Variants in NRXN3 observed in about 807,000 individuals in gnomAD.
The protein encoded by NRXN3 is neurexin III.
A neutral mutation model predicts 137.6 loss-of-function variants in NRXN3; 32 were observed. That is an observed-to-expected ratio of 0.23 (90% CI 0.18 to 0.31). The LOEUF is 0.31. NRXN3 is among the 10% of genes least tolerant of loss of function. NRXN3 has a pLI of 1.00. For missense variants in NRXN3, 1,574 were observed against 2,062.5 expected (o/e 0.76, Z 4.59); for synonymous variants, 798 against 784.5 (o/e 1.02, Z -0.29).
At chr14:78,287,944 G>A (rs2075355010) in intron 3 of NRXN3, among the ~76,000 whole-genome samples, 2 of 151,962 alleles carry the variant, frequency 1.3e-5, no homozygotes, top group African/African-American at 2.4e-5. Context: ...GAGTATGATT[G>A]GGATCAGTTC....
chr14:78,867,102 A>T (rs907366988), intron 10 of NRXN3, among the ~76,000 whole-genome samples: 8 of 151,880 alleles, frequency 5.3e-5, no homozygotes, highest in Non-Finnish European at 8.8e-5. Flanking sequence ...TGGCAGTATT[A>T]CCCTTATATT....
At chr14:78,364,613 G>T (rs992472181) in intron 4 of NRXN3, among the ~76,000 whole-genome samples, 4 of 152,168 alleles carry the variant, frequency 2.6e-5, no homozygotes, top group Admixed American at 6.5e-5. Context: ...TGAAAGGAGG[G>T]CATGTTTGAT....
chr14:79,343,213 C>T (rs892510673), intron 15 of NRXN3, among the ~76,000 whole-genome samples: 1 of 152,150 alleles, frequency 6.6e-6, no homozygotes, highest in African/African-American at 2.4e-5. Flanking sequence ...CATAATTGCT[C>T]ATCTTGTGGC....
chr14:78,969,155 A>G (rs899802004), intron 14 of NRXN3, among the ~76,000 whole-genome samples: 2 of 152,222 alleles, frequency 1.3e-5, no homozygotes, highest in African/African-American at 4.8e-5. Flanking sequence ...TTTTATGTCA[A>G]ACATCTAATA....
At chr14:78,475,822 A>G (rs958400888) in intron 4 of NRXN3, among the ~76,000 whole-genome samples, 1 of 152,216 alleles carries the variant, frequency 6.6e-6, no homozygotes. Context: ...AGGAAGAAGA[A>G]TGATAGAACT....
intron 2 of NRXN3, among the ~76,000 whole-genome samples, chr14:78,266,998 G>A (rs2071861804): frequency 6.6e-6 from 1 of 152,118 alleles, no homozygotes; most frequent in Admixed American, 6.5e-5. Flanking sequence ...GCTGTCTTGA[G>A]CCACTATGTT....
rs5809943 is a variant in NRXN3 at position 79,563,663 on chromosome 14, T to TAAAAA, written c.3444+96273_3444+96277dup. On this transcript the variant is annotated intron_variant, in intron 16 of 20. Transcript: ENST00000335750. ...GGGATGAGCTTCCCACAAATAATGT[T>TAAAAA]AAAAAAAAAAAAAAAAGGAGAAAGC... Among the ~76,000 whole-genome samples, 1,033 of 142,200 alleles carry TAAAAA rather than the reference T, an allele frequency of 7.3e-3. 10 individuals carry two copies. The highest frequency in any genetic ancestry group is 0.033 in the Middle Eastern group (9 of 274). 93.3% of individuals were successfully genotyped at this position (142,200 alleles called of 152,430 possible).
chr14:78,349,458 C>T (rs2083185065), intron 4 of NRXN3, among the ~76,000 whole-genome samples: 1 of 152,194 alleles, frequency 6.6e-6, no homozygotes, highest in Non-Finnish European at 1.5e-5. Context: ...TTTGGGAGCC[C>T]TTTCTTCCTT....
At chr14:78,531,223 G>A (rs1397039951) in intron 4 of NRXN3, among the ~76,000 whole-genome samples, 1 of 152,158 alleles carries the variant, frequency 6.6e-6, no homozygotes, top group African/African-American at 2.4e-5. Context: ...CAAAATGTCA[G>A]AGTTAGCCTA....
chr14:79,858,310 A>G (rs2099407108), intron 20 of NRXN3, among the ~76,000 whole-genome samples: 1 of 152,146 alleles, frequency 6.6e-6, no homozygotes, highest in Non-Finnish European at 1.5e-5. Context: ...AAACAAACCG[A>G]AAAAACAAAA....
chr14:79,564,927 G>A (rs1380481623), intron 16 of NRXN3, among the ~76,000 whole-genome samples: 2 of 151,886 alleles, frequency 1.3e-5, no homozygotes, highest in Non-Finnish European at 2.9e-5. Context: ...GCTATCTCAC[G>A]ATTTCAAATG....
At chr14:79,807,656 A>T (rs1225768911) in intron 20 of NRXN3, among the ~76,000 whole-genome samples, 1 of 152,132 alleles carries the variant, frequency 6.6e-6, no homozygotes, top group Non-Finnish European at 1.5e-5. Flanking sequence ...TTTTTAGAAC[A>T]ATCTGTTGTG....
At chr14:79,352,408 C>A (rs148593550) in intron 15 of NRXN3, among the ~76,000 whole-genome samples, 64 of 152,192 alleles carry the variant, frequency 4.2e-4, no homozygotes, top group African/African-American at 1.5e-3. Flanking sequence ...CTTATAGAAT[C>A]TCGAACTTGA....
intron 10 of NRXN3, among the ~76,000 whole-genome samples, chr14:78,825,212 AAAAAAG>A (rs2098963147): frequency 2.0e-5 from 3 of 150,692 alleles, no homozygotes; most frequent in African/African-American, 7.3e-5. Flanking sequence ...AAAAAAAAAA[AAAAAAG>A]AAAAAGAAAA....
At chr14:78,668,963 T>TCTATCTAC (rs748834814) in intron 6 of NRXN3, among the ~76,000 whole-genome samples, 142 of 151,702 alleles carry the variant, frequency 9.4e-4, no homozygotes, top group Non-Finnish European at 1.4e-3. Flanking sequence ...TGTCTGTCTA[T>TCTATCTAC]CTATCTACCT....
intron 19 of NRXN3, among the ~76,000 whole-genome samples, chr14:79,801,395 A>C (rs1259640413): frequency 1.3e-5 from 2 of 152,250 alleles, no homozygotes; most frequent in Non-Finnish European, 2.9e-5. Context: ...GGTAAATCGT[A>C]ACAAATAGAG....
intron 17 of NRXN3, among the ~76,000 whole-genome samples, chr14:79,675,682 A>G (rs896978353): frequency 1.3e-5 from 2 of 152,132 alleles, no homozygotes; most frequent in Non-Finnish European, 2.9e-5. Context: ...AGAAATAAAG[A>G]GATACAATAT....
rs183062265 is a variant in NRXN3 at position 79,355,625 on chromosome 14, C to A, written c.3263-111596C>A. Among the ~76,000 whole-genome samples the A allele has an allele frequency of 1.8e-3, 270 of 152,260 alleles. 3 individuals are homozygous for A. Among genetic ancestry groups the A allele is most frequent in the African/African-American group, 6.3e-3 (261 of 41,538 alleles). Reference sequence around the variant, plus strand: ...ACTATGGTTATTTTTATTCTTACAGCTTTTATTGAAAGTTTCTTTTTAACC... The same window carrying A: ...ACTATGGTTATTTTTATTCTTACAGATTTTATTGAAAGTTTCTTTTTAACC... On this transcript the variant is annotated intron_variant, in intron 15 of 20. Transcript: ENST00000335750.
intron 16 of NRXN3, among the ~76,000 whole-genome samples, chr14:79,503,052 T>G (rs1026718613): frequency 6.6e-6 from 1 of 152,172 alleles, no homozygotes; most frequent in Non-Finnish European, 1.5e-5. Flanking sequence ...TTTGCTTATT[T>G]GCAGTCACAG....
Sources: allele counts gnomAD v4.1 joint callset (sites outside exome capture counted in the v4.1 genomes callset), GRCh38; gene constraint gnomAD v4.1.1; transcripts MANE v1.5; gene names NCBI Gene and HGNC (gene_info 2026-07-23, HGNC 2026-07-21).